The following CNTN5 variants were observed in gnomAD, a reference collection of about 807,000 sequenced individuals.
The protein encoded by CNTN5 is contactin-5.
Under a neutral mutation model 129.1 loss-of-function variants are expected in CNTN5, and 77 were observed. The ratio of observed to expected loss-of-function variants is 0.60; its 90% CI spans 0.50 to 0.72. The LOEUF is 0.72. Among genes scored for constraint, CNTN5 ranks in the 30% least tolerant of loss-of-function variants. The probability of loss-of-function intolerance (pLI) is 0.00; values close to 1 mark genes in which losing one functional copy is unlikely to be tolerated. For missense variants in CNTN5, 1,478 were observed against 1,328.8 expected, an observed-to-expected ratio of 1.11 and a Z score of -1.75; for synonymous variants, 509 against 465.6, an observed-to-expected ratio of 1.09 and a Z score of -1.20.
At chr11:99,959,873 T>C (rs10791067) in intron 8 of CNTN5, among the ~76,000 whole-genome samples, 34,641 of 152,088 alleles carry the variant, frequency 0.23, 4,362 homozygotes, top group African/African-American at 0.32. Flanking sequence ...AATTTACATT[T>C]GTTTTTTTCT....
Position 100,299,197 on chromosome 11 carries a change from C to T in CNTN5, c.2421C>T (p.Phe807=), listed in dbSNP as rs751788662. Residue 807 remains phenylalanine, a synonymous_variant, in exon 20 of 25, where the codon TTC becomes TTT. Transcript: ENST00000524871. The part of the protein sequence containing the change: ...VSEEFQNGEG[F]GYIVAFRPNG... ...AAGAGTTTCAGAATGGGGAAGGCTT[C>T]GGCTATATTGTGGCTTTCAGACCCA... The T allele has an allele frequency of 2.0e-5, 32 of 1,607,914 alleles. No homozygotes were observed. Among genetic ancestry groups the T allele is most frequent in the Admixed American group, 1.2e-4 (7 of 59,502 alleles).
At chr11:99,373,163 C>A (rs1279822184) in intron 2 of CNTN5, among the ~76,000 whole-genome samples, 13 of 151,672 alleles carry the variant, frequency 8.6e-5, no homozygotes, top group African/African-American at 3.1e-4. Flanking sequence ...GAGCCGAGAT[C>A]GCACCATTGC....
At chr11:100,237,992 T>C (rs1949656511) in intron 16 of CNTN5, among the ~76,000 whole-genome samples, 2 of 152,130 alleles carry the variant, frequency 1.3e-5, no homozygotes, top group South Asian at 4.1e-4. Flanking sequence ...GAAAGAAACC[T>C]CTACAAGATT....
At chr11:99,184,104 C>T (rs1858221501) in intron 1 of CNTN5, among the ~76,000 whole-genome samples, 1 of 152,058 alleles carries the variant, frequency 6.6e-6, no homozygotes, top group Non-Finnish European at 1.5e-5. Flanking sequence ...TTCCTAATCT[C>T]AATTTTTTAA....
At chr11:99,776,147 C>A (rs2135362832) in intron 3 of CNTN5, among the ~76,000 whole-genome samples, 1 of 149,150 alleles carries the variant, frequency 6.7e-6, no homozygotes, top group Middle Eastern at 3.4e-3. Context: ...GCATTGCTAG[C>A]ATAATGAATG....
intron 3 of CNTN5, among the ~76,000 whole-genome samples, chr11:99,719,259 G>A (rs1057438909): frequency 1.3e-4 from 20 of 151,946 alleles, no homozygotes; most frequent in Non-Finnish European, 2.9e-5. Context: ...ATAAAAGGTT[G>A]CAGTGAGCTG....
chr11:99,215,231 T>C (rs1860055991), intron 1 of CNTN5, among the ~76,000 whole-genome samples: 1 of 152,110 alleles, frequency 6.6e-6, no homozygotes, highest in South Asian at 2.1e-4. Context: ...GGTTTTTAGG[T>C]CTACTAAAAT....
At chr11:99,743,765 A>T (rs895547673) in intron 3 of CNTN5, among the ~76,000 whole-genome samples, 1 of 152,178 alleles carries the variant, frequency 6.6e-6, no homozygotes, top group African/African-American at 2.4e-5. Flanking sequence ...ATAACTCCCT[A>T]ATGATAAAGG....
chr11:100,016,566 G>A (rs1940833968), intron 9 of CNTN5, among the ~76,000 whole-genome samples: 1 of 151,774 alleles, frequency 6.6e-6, no homozygotes, highest in Non-Finnish European at 1.5e-5. Context: ...TGAAATAAAG[G>A]TTTTCATTAT....
At chr11:99,870,061 G>T (rs1053305608) in intron 6 of CNTN5, among the ~76,000 whole-genome samples, 1 of 152,080 alleles carries the variant, frequency 6.6e-6, no homozygotes, top group Non-Finnish European at 1.5e-5. Context: ...ACATGATTTT[G>T]CTAGTGGAAC....
intron 3 of CNTN5, among the ~76,000 whole-genome samples, chr11:99,688,983 A>T (rs973936685): frequency 1.3e-5 from 2 of 152,118 alleles, no homozygotes; most frequent in Non-Finnish European, 2.9e-5. Flanking sequence ...TATATGTACC[A>T]TATTTTCTTT....
intron 1 of CNTN5, among the ~76,000 whole-genome samples, chr11:99,151,847 G>A (rs917721102): frequency 6.6e-6 from 1 of 151,980 alleles, no homozygotes; most frequent in South Asian, 2.1e-4. Context: ...AGTGGGAGGG[G>A]GACATCACAC....
At chr11:100,178,573 T>TG (rs61062115) in intron 13 of CNTN5, among the ~76,000 whole-genome samples, 4,699 of 152,278 alleles carry the variant, frequency 0.031, 242 homozygotes, top group African/African-American at 0.11. Flanking sequence ...TCTTCTGCCA[T>TG]TATGGCATAG....
intron 13 of CNTN5, among the ~76,000 whole-genome samples, chr11:100,187,843 A>G (rs1472264299): frequency 1.3e-5 from 2 of 152,208 alleles, no homozygotes; most frequent in African/African-American, 4.8e-5. Context: ...ATCCTAGAAG[A>G]AAAACTAGGA....
intron 15 of CNTN5, among the ~76,000 whole-genome samples, chr11:100,203,799 T>TACACACACACACACACAC (rs59141425): frequency 2.1e-3 from 286 of 139,182 alleles, no homozygotes; most frequent in Middle Eastern, 0.011. Flanking sequence ...AATGTGCACG[T>TACACACACACACACACAC]ACACACACAC....
intron 13 of CNTN5, among the ~76,000 whole-genome samples, chr11:100,170,894 CA>C (rs113893520): frequency 2.0e-5 from 3 of 149,842 alleles, no homozygotes; most frequent in Non-Finnish European, 3.0e-5. Context: ...GAAACAAAAA[CA>C]AAAAAAAAAC....
intron 9 of CNTN5, among the ~76,000 whole-genome samples, chr11:100,039,913 A>G (rs1485843523): frequency 6.6e-6 from 1 of 151,974 alleles, no homozygotes; most frequent in Non-Finnish European, 1.5e-5. Flanking sequence ...CATTGGTTCG[A>G]ATTTCCTCCT....
In CNTN5 at chr11:99,919,133, AT is replaced by A. The variant is rs367903925; in HGVS notation, c.673+2988del. Among the ~76,000 whole-genome samples, 24 of 152,174 alleles carry A rather than the reference AT, an allele frequency of 1.6e-4. No homozygotes were observed. In the East Asian group the frequency reaches 4.1e-3, roughly 26 times the overall value. ...GAGCAGCATTCTTCTGCAGAAGCAA[AT>A]TTTGCCTTGCTGAGAAATCCTGTCT... is the stretch of plus-strand genomic sequence containing the variant. On this transcript the variant is annotated intron_variant, in intron 7 of 24. Transcript: ENST00000524871.
At chr11:99,999,625 A>G (rs976186447) in intron 8 of CNTN5, among the ~76,000 whole-genome samples, 1 of 152,184 alleles carries the variant, frequency 6.6e-6, no homozygotes, top group Non-Finnish European at 1.5e-5. Flanking sequence ...CAGAACTAGA[A>G]ATACCATTTG....
Sources: allele counts gnomAD v4.1 joint callset (sites outside exome capture counted in the v4.1 genomes callset), GRCh38; gene constraint gnomAD v4.1.1; transcripts MANE v1.5; gene names NCBI Gene and HGNC (gene_info 2026-07-23, HGNC 2026-07-21).